The following COMMD6 variants were observed in gnomAD, a reference collection of about 807,000 sequenced individuals.
The protein encoded by COMMD6 is COMM domain-containing protein 6.
COMMD6 carries 11 observed loss-of-function variants against 13.4 expected under a neutral mutation model. The ratio of observed to expected loss-of-function variants is 0.82; its 90% CI spans 0.52 to 1.36. COMMD6 has a LOEUF of 1.36. Ranked by LOEUF, COMMD6 falls within the 40% of genes most tolerant of loss-of-function variation. COMMD6 has a pLI of 0.00. For synonymous variants in COMMD6, 43 were observed against 36.5 expected, an observed-to-expected ratio of 1.18 and a Z score of -0.64; for missense variants, 124 against 102.4, an observed-to-expected ratio of 1.21 and a Z score of -0.91.
chr13:75,526,103 AAAG>A lies in COMMD6; in HGVS notation c.*483_*485del, dbSNP rs2138406103. On this transcript the variant is annotated 3_prime_UTR_variant, in exon 4 of 4. Transcript: ENST00000682242. ...TTAATCTGATTACAAAAGTTTGAAA[AAAG>A]AAGCCTCACTCTTCTGATTGCCATT... The A allele has an allele frequency of 6.6e-6, 1 of 152,484 alleles. No individual in the cohort carries two copies. Among genetic ancestry groups the A allele is most frequent in the East Asian group, 1.9e-4 (1 of 5,194 alleles). 9.4% of individuals were successfully genotyped at this position (152,484 alleles called of 1,614,324 possible).
chr13:75,533,079 C>T (rs185138036), intron 2 of COMMD6, among the ~76,000 whole-genome samples: 80 of 151,830 alleles, frequency 5.3e-4, no homozygotes, highest in African/African-American at 1.7e-3. Flanking sequence ...TACAGGCGCC[C>T]GCCACCATGA....
chr13:75,546,903 G>A (rs1169767053), intron 1 of COMMD6, among the ~76,000 whole-genome samples: 1 of 152,174 alleles, frequency 6.6e-6, no homozygotes, highest in East Asian at 1.9e-4. Flanking sequence ...GCTTCTAGGG[G>A]AAATACAGGT....
At chr13:75,537,948 T>C (rs780034415), upstream of COMMD6, 69 of 759,798 alleles carry the variant, frequency 9.1e-5, no homozygotes, top group Middle Eastern at 3.9e-4. Context: ...ATGTGACTCA[T>C]ATTTTTTCTT....
At chr13:75,528,039 G>A (rs1460653835) in intron 3 of COMMD6, among the ~76,000 whole-genome samples, 1 of 144,012 alleles carries the variant, frequency 6.9e-6, no homozygotes, top group Non-Finnish European at 1.5e-5. Context: ...ACACATACAT[G>A]CACACACTCT....
Position 75,537,703 on chromosome 13 carries a change from G to A in COMMD6, c.43-28C>T. The A allele has an allele frequency of 1.2e-6, 2 of 1,614,094 alleles. 1 individual carries two copies. Among genetic ancestry groups the A allele is most frequent in the East Asian group, 4.5e-5 (2 of 44,870 alleles). ...GAAACGGAAGCAGAAACACAATTTA[G>A]AGAAACATCTTTCTTGCTCCAGAGC... On this transcript the variant is annotated intron_variant, in intron 1 of 3. Transcript: ENST00000682242.
At chr13:75,527,446 A>T (rs1300388869) in intron 3 of COMMD6, among the ~76,000 whole-genome samples, 1 of 152,226 alleles carries the variant, frequency 6.6e-6, no homozygotes, top group Non-Finnish European at 1.5e-5. Flanking sequence ...TATCAAAAAG[A>T]TATAAATTAA....
intron 3 of COMMD6, chr13:75,527,968 G>T: frequency 6.0e-6 from 7 of 1,172,210 alleles, no homozygotes; most frequent in East Asian, 3.3e-5. Context: ...TTGTTTACTT[G>T]AAATTTGCTA....
rs2030566581 is a variant in COMMD6 at position 75,533,587 on chromosome 13, A to AG, written c.55-3322_55-3321insC. 6.0e-5 allele frequency among the ~76,000 whole-genome samples: 9 copies of AG among 150,512 alleles called. No individual in the cohort carries two copies. In the East Asian group the frequency reaches 1.2e-3, roughly 20 times the overall value. On this transcript the variant is annotated intron_variant, in intron 2 of 3. Coordinates refer to ENST00000682242, the MANE Select transcript of COMMD6 (RefSeq NM_203495.4). ...CCAAATCTGAAAAAAAAAAAAAAAA[A>AG]AGAGAGAGAGAGAGATATTCTTCTG...
In COMMD6 at chr13:75,526,181, ATAC is replaced by A. The variant is rs1300514393; in HGVS notation, c.*405_*407del. On this transcript the variant is annotated 3_prime_UTR_variant, in exon 4 of 4. Transcript: ENST00000682242. ...GAATTTGTAAAGTTATCCTAATCAA[ATAC>A]TACTTTTCTAATTTATATATATTTT... The A allele has an allele frequency of 6.5e-6, 1 of 153,286 alleles. No homozygotes were observed. The highest frequency in any genetic ancestry group is 1.5e-5 in the Non-Finnish European group (1 of 68,800). The allele number at this position is 153,286 out of a possible 1,614,324, so 9.5% of individuals were successfully genotyped here. A position where few individuals can be genotyped will look rare whatever the true frequency, so the allele number is the denominator to read the frequency against.
intron 2 of COMMD6, among the ~76,000 whole-genome samples, chr13:75,530,756 G>A (rs936505851): frequency 6.6e-6 from 1 of 152,178 alleles, no homozygotes; most frequent in Non-Finnish European, 1.5e-5. Flanking sequence ...TAACACTATA[G>A]GTTATTGTTT....
chr13:75,545,759 C>T (rs538002744), intron 1 of COMMD6, among the ~76,000 whole-genome samples: 74 of 152,304 alleles, frequency 4.9e-4, no homozygotes, highest in Admixed American at 2.0e-3. Flanking sequence ...GTGTCAGCCA[C>T]CGAGCCCAGC....
intron 1 of COMMD6, among the ~76,000 whole-genome samples, chr13:75,544,235 T>G (rs1206280858): frequency 6.6e-6 from 1 of 152,146 alleles, no homozygotes; most frequent in Non-Finnish European, 1.5e-5. Context: ...GACTTAAAAT[T>G]TTTAGCCTTT....
upstream of COMMD6, among the ~76,000 whole-genome samples, chr13:75,539,040 T>C (rs1404926398): frequency 6.6e-6 from 1 of 152,094 alleles, no homozygotes; most frequent in East Asian, 1.9e-4. Flanking sequence ...GGCTCCTTCC[T>C]CCACCTTCAA....
chr13:75,539,229 CT>C (rs71127551), upstream of COMMD6, among the ~76,000 whole-genome samples: 245 of 88,582 alleles, frequency 2.8e-3, 1 homozygote, highest in Admixed American at 4.1e-3. Context: ...AAACAATTAA[CT>C]TTTTTTTTTT....
chr13:75,537,859 G>T (rs963629017), upstream of COMMD6: 4 of 1,527,908 alleles, frequency 2.6e-6, no homozygotes, highest in East Asian at 9.1e-5. Flanking sequence ...CCAGACCAGC[G>T]CTTCCGCTTC....
Position 75,537,838 on chromosome 13 carries a change from A to C in COMMD6, c.-33T>G, listed in dbSNP as rs1338525484. ...GTCTGGGACTTGCGGCCCGGACTCG[A>C]GAGAACGCCCCCAGACCAGCGCTTC... On this transcript the variant is annotated 5_prime_UTR_variant, in exon 1 of 4. Transcript: ENST00000682242. The C allele has an allele frequency of 6.4e-7, 1 of 1,573,308 alleles. No individual in the cohort carries two copies. Among genetic ancestry groups the C allele is most frequent in the Non-Finnish European group, 8.6e-7 (1 of 1,157,854 alleles).
upstream of COMMD6, among the ~76,000 whole-genome samples, chr13:75,540,767 C>T (rs1474012670): frequency 6.6e-6 from 1 of 152,080 alleles, no homozygotes; most frequent in Non-Finnish European, 1.5e-5. Flanking sequence ...ATAAGTAGAA[C>T]ATATGTCAGA....
intron 1 of COMMD6, among the ~76,000 whole-genome samples, chr13:75,544,050 A>T (rs1160858243): frequency 6.8e-6 from 1 of 146,636 alleles, no homozygotes; most frequent in African/African-American, 2.5e-5. Context: ...CTGCTAATTG[A>T]CTGTTTTATT....
rs566006559 is a variant in COMMD6 at position 75,526,672 on chromosome 13, T to C, written c.208-33A>G. 7.3e-6 allele frequency: 11 copies of C among 1,506,306 alleles called. No homozygotes were observed. In the East Asian group the frequency reaches 2.5e-4, roughly 34 times the overall value. 93.3% of individuals were successfully genotyped at this position (1,506,306 alleles called of 1,614,324 possible). ...GAAAGGGGGAAAATAATATTAATTT[T>C]GCTTTTAGAAGATATTTAAGTAGTT... On this transcript the variant is annotated intron_variant, in intron 3 of 3. Coordinates refer to ENST00000682242, the MANE Select transcript of COMMD6 (RefSeq NM_203495.4).
Sources: allele counts gnomAD v4.1 joint callset (sites outside exome capture counted in the v4.1 genomes callset), GRCh38; gene constraint gnomAD v4.1.1; transcripts MANE v1.5; gene names NCBI Gene and HGNC (gene_info 2026-07-23, HGNC 2026-07-21).